The following MYO1D variants were observed in gnomAD, a reference collection of about 807,000 sequenced individuals.
MYO1D encodes the protein myosin ID.
MYO1D carries 83 observed loss-of-function variants against 122.0 expected under a neutral mutation model. The ratio of observed to expected loss-of-function variants is 0.68; its 90% CI spans 0.57 to 0.82. The LOEUF is 0.82. Ranked by LOEUF, MYO1D falls within the 40% of genes least tolerant of loss-of-function variation. MYO1D has a pLI of 0.00. For missense variants in MYO1D, 1,157 were observed against 1,269.5 expected, an observed-to-expected ratio of 0.91 and a Z score of 1.35; for synonymous variants, 464 against 446.9, an observed-to-expected ratio of 1.04 and a Z score of -0.48.
intron 1 of MYO1D, among the ~76,000 whole-genome samples, chr17:32,801,866 T>C (rs2090464059): frequency 6.6e-6 from 1 of 151,676 alleles, no homozygotes. Flanking sequence ...AAGATGAACC[T>C]GGACTATCTT....
At chr17:32,772,526 C>A (rs545171147) in intron 5 of MYO1D, among the ~76,000 whole-genome samples, 2 of 152,264 alleles carry the variant, frequency 1.3e-5, no homozygotes, top group Admixed American at 6.5e-5. Flanking sequence ...ATCTGTACTG[C>A]AAGAAAATAT....
chr17:32,546,301 AG>A (rs2086964402), intron 21 of MYO1D, among the ~76,000 whole-genome samples: 1 of 152,206 alleles, frequency 6.6e-6, no homozygotes, highest in Non-Finnish European at 1.5e-5. Context: ...TTGTTGTGAC[AG>A]GAAGTCATTC....
rs2087610902 is a variant in MYO1D, at chr17:32,605,130, G to A, written c.2821C>T (p.Arg941Ter). 4 of 1,604,662 alleles carry A rather than the reference G, an allele frequency of 2.5e-6. No homozygotes were observed. The highest frequency in any genetic ancestry group is 4.5e-5 in the East Asian group (2 of 44,612). The stretch of plus-strand genomic sequence containing the variant: ...AGCACTCCAACAAGTTCTCCAATTC[G>A]ACTCTCATGGGTTGGCTGTTTGCTG... ...LFSKQPTHES[R>*]IGELVGVLVN... The change falls in exon 21 of 22, where the codon CGA becomes TGA. Residue 941 changes from arginine to a stop codon, truncating the protein, a stop_gained. Coordinates refer to ENST00000318217, the MANE Select transcript of MYO1D (RefSeq NM_015194.3). LOFTEE classifies it high-confidence loss of function.
chr17:32,664,204 TTAAA>T (rs2088607466), intron 16 of MYO1D, among the ~76,000 whole-genome samples: 1 of 152,230 alleles, frequency 6.6e-6, no homozygotes, highest in Non-Finnish European at 1.5e-5. Flanking sequence ...CATATTTGGT[TTAAA>T]TAGATACGCT....
intron 8 of MYO1D, among the ~76,000 whole-genome samples, chr17:32,763,863 T>C (rs1490956645): frequency 6.6e-6 from 1 of 152,182 alleles, no homozygotes; most frequent in Non-Finnish European, 1.5e-5. Flanking sequence ...GAGGTTGCAG[T>C]GAGCCAAGAT....
At chr17:32,844,401 ATG>A (rs1209395854) in intron 1 of MYO1D, among the ~76,000 whole-genome samples, 3 of 147,006 alleles carry the variant, frequency 2.0e-5, no homozygotes, top group Non-Finnish European at 3.0e-5. Context: ...TATATATAAT[ATG>A]TATATATGTG....
intron 1 of MYO1D, among the ~76,000 whole-genome samples, chr17:32,800,062 A>G (rs1050994199): frequency 1.3e-5 from 2 of 152,208 alleles, no homozygotes; most frequent in Admixed American, 6.5e-5. Context: ...GATGTGGAGA[A>G]AAGGGAACCC....
intron 21 of MYO1D, among the ~76,000 whole-genome samples, chr17:32,511,111 A>T (rs2150859222): frequency 6.6e-6 from 1 of 152,178 alleles, no homozygotes; most frequent in South Asian, 2.1e-4. Context: ...TGGGCTCTGG[A>T]GCCTTGAGAC....
chr17:32,659,538 A>G (rs1313723915), intron 16 of MYO1D, 200 bp from the exon 17 acceptor site: 3 of 590,778 alleles, frequency 5.1e-6, no homozygotes, highest in Non-Finnish European at 9.0e-6. Flanking sequence ...ATTTTGTTTC[A>G]GCTGTCTAGC....
chr17:32,517,031 C>T (rs60872896), intron 21 of MYO1D, among the ~76,000 whole-genome samples: 5,840 of 152,238 alleles, frequency 0.038, 362 homozygotes, highest in African/African-American at 0.13. Flanking sequence ...TCAATAAAAA[C>T]GACACCACTG....
chr17:32,569,687 C>A (rs1278341828), intron 21 of MYO1D, among the ~76,000 whole-genome samples: 1 of 152,214 alleles, frequency 6.6e-6, no homozygotes, highest in Non-Finnish European at 1.5e-5. Flanking sequence ...GGTAACTCTC[C>A]TCTCTAGTTA....
intron 21 of MYO1D, among the ~76,000 whole-genome samples, chr17:32,582,884 T>A (rs2087354738): frequency 6.6e-6 from 1 of 152,178 alleles, no homozygotes; most frequent in South Asian, 2.1e-4. Context: ...CACATTACTT[T>A]TACTATTATT....
intron 1 of MYO1D, among the ~76,000 whole-genome samples, chr17:32,808,995 G>T (rs926632751): frequency 6.6e-6 from 1 of 152,074 alleles, no homozygotes; most frequent in Non-Finnish European, 1.5e-5. Flanking sequence ...GTACGTATAC[G>T]TACATATAAA....
intron 21 of MYO1D, chr17:32,497,186 A>T (rs972636556): frequency 1.3e-5 from 2 of 152,188 alleles, no homozygotes; most frequent in African/African-American, 4.8e-5. Context: ...TAATCCCAAT[A>T]CTCTGGGAGG....
At chr17:32,547,643 G>A (rs1253570071) in intron 21 of MYO1D, among the ~76,000 whole-genome samples, 3 of 152,186 alleles carry the variant, frequency 2.0e-5, no homozygotes, top group Non-Finnish European at 4.4e-5. Context: ...AGTATTTCCA[G>A]TGATAGAGAA....
chr17:32,524,838 A>G (rs1266131607), intron 21 of MYO1D, among the ~76,000 whole-genome samples: 5 of 151,930 alleles, frequency 3.3e-5, no homozygotes, highest in Admixed American at 6.6e-5. Context: ...TGGGATTACA[A>G]TCGTGAGCCA....
At chr17:32,715,533 A>G (rs1444218171) in intron 15 of MYO1D, among the ~76,000 whole-genome samples, 1 of 151,970 alleles carries the variant, frequency 6.6e-6, no homozygotes, top group African/African-American at 2.4e-5. Context: ...GGCTACTACT[A>G]TACCCCCAAA....
At position 32,603,788 on chromosome 17, in the gene MYO1D, G is replaced by A. The variant is rs571778234; in HGVS notation, c.2864+1299C>T. ...GATCCGCCCGCCTCAGCCTCCCAAA[G>A]TGCTGGGATTACAGGCGTGAGCCAC... On this transcript the variant is annotated intron_variant, in intron 21 of 21. Transcript: ENST00000318217. Among the ~76,000 whole-genome samples the A allele has an allele frequency of 3.9e-5, 6 of 152,198 alleles. No individual in the cohort carries two copies. In the South Asian group the frequency reaches 1.2e-3, roughly 32 times the overall value.
chr17:32,779,847 C>T (rs1386181878), intron 2 of MYO1D, among the ~76,000 whole-genome samples: 2 of 152,038 alleles, frequency 1.3e-5, no homozygotes, highest in Admixed American at 1.3e-4. Context: ...GTTTTGCTCA[C>T]CAAAATGGAA....
Sources: gnomAD v4.1 joint callset for allele counts (sites outside exome capture counted in the v4.1 genomes callset) on GRCh38, gnomAD v4.1.1 for gene constraint, MANE v1.5 for transcripts, NCBI Gene and HGNC (gene_info 2026-07-23, HGNC 2026-07-21) for gene names.